SLC15A1: variants seen among roughly 807,000 people sequenced by gnomAD.
SLC15A1 encodes the protein solute carrier family 15 member 1.
SLC15A1 carries 83 observed loss-of-function variants against 92.9 expected under a neutral mutation model. That is an observed-to-expected ratio of 0.89 (90% confidence interval 0.75 to 1.07). The LOEUF is 1.07. Among genes scored for constraint, SLC15A1 ranks in the 50% least tolerant of loss-of-function variants. The pLI is 0.00. For synonymous variants in SLC15A1, 322 were observed against 318.2 expected (o/e 1.01, Z -0.13); for missense variants, 857 against 880.1 (o/e 0.97, Z 0.33).
chr13:98,694,808 C>T (rs868831160), intron 18 of SLC15A1, among the ~76,000 whole-genome samples: 2 of 152,006 alleles, frequency 1.3e-5, no homozygotes, highest in Non-Finnish European at 2.9e-5. Flanking sequence ...GGGTGGATCA[C>T]GAGATCAGGA....
At chr13:98,722,501 A>C (rs1428916001) in intron 5 of SLC15A1, among the ~76,000 whole-genome samples, 1 of 152,120 alleles carries the variant, frequency 6.6e-6, no homozygotes, top group Non-Finnish European at 1.5e-5. Flanking sequence ...AATTCATAGC[A>C]TTTATTGACC....
chr13:98,726,311 C>CT (rs2088299866), intron 3 of SLC15A1, 47 bp from the exon 4 acceptor site: 2 of 1,612,970 alleles, frequency 1.2e-6, no homozygotes, highest in South Asian at 2.2e-5. Flanking sequence ...AAAGTTAGGA[C>CT]TGGTTATGGC....
chr13:98,715,818 G>T (rs1312226526), intron 9 of SLC15A1, 60 bp downstream of exon 9: 2 of 1,338,854 alleles, frequency 1.5e-6, no homozygotes, highest in Admixed American at 1.9e-5. Context: ...TTAATTTAAA[G>T]AAAGTAGAAG....
rs189076076 is a variant in SLC15A1, at chr13:98,721,351, T to C, written c.556+144A>G. 22 of 721,990 alleles carry C rather than the reference T, an allele frequency of 3.0e-5. No individual in the cohort carries two copies. In the Middle Eastern group the frequency reaches 9.1e-4, roughly 30 times the overall value. The allele number at this position is 721,990 out of a possible 1,614,324, so 44.7% of individuals were successfully genotyped here. On this transcript the variant is annotated intron_variant, in intron 7 of 22. Transcript: ENST00000376503. The stretch of plus-strand genomic sequence containing the variant: ...TGAAACTCACAGGGAAGGAAGCACT[T>C]ACTCCAGATTCCAACGTGCATCCCA...
At chr13:98,726,740 G>A (rs1029930485) in intron 2 of SLC15A1, 103 bp downstream of exon 2, 1 of 1,165,982 alleles carries the variant, frequency 8.6e-7, no homozygotes, top group African/African-American at 1.5e-5. Flanking sequence ...ACCCTCACTG[G>A]TTCCAGATGT....
intron 1 of SLC15A1, among the ~76,000 whole-genome samples, chr13:98,732,604 T>A (rs181874903): frequency 4.0e-4 from 61 of 152,304 alleles, no homozygotes; most frequent in Admixed American, 2.8e-3. Flanking sequence ...ATGGAAACTC[T>A]AACTTTGAAG....
At chr13:98,689,568 C>T (rs1470309849) in intron 18 of SLC15A1, among the ~76,000 whole-genome samples, 1 of 152,182 alleles carries the variant, frequency 6.6e-6, no homozygotes, top group Non-Finnish European at 1.5e-5. Context: ...ACCTTAGCTT[C>T]CTGAGTAGCT....
Position 98,704,323 on chromosome 13 carries a change from G to T in SLC15A1, c.1382C>A (p.Thr461Lys), listed in dbSNP as rs141206459. ...TDDFKQGQRH[T>K]LLVWAPNHYQ... ...GTGATTGGGGGCCCACACTAGAAGC[G>T]TGTGGCGTTGGCCCTGCTTGAAGTC... is the stretch of plus-strand genomic sequence containing the variant. The change falls in exon 17 of 23, where the codon ACG becomes AAG. Residue 461 changes from threonine to lysine, a missense_variant. By Grantham distance (78) the Thr-to-Lys change is moderately conservative (BLOSUM62 -1). Transcript: ENST00000376503. The T allele has an allele frequency of 6.2e-7, 1 of 1,613,540 alleles. No homozygotes were observed. The highest frequency in any genetic ancestry group is 2.2e-5 in the East Asian group (1 of 44,842).
rs1369984617 is a variant in SLC15A1, at chr13:98,708,664, G to T, written c.1149+22C>A. ...CCTAAATCCACCAGGAAAGGACATG[G>T]GAGAACCAGGGGACAACTCACATCG... On this transcript the variant is annotated intron_variant, in intron 15 of 22. Coordinates refer to ENST00000376503, the MANE Select transcript of SLC15A1 (RefSeq NM_005073.4). 2.5e-6 allele frequency: 4 copies of T among 1,604,664 alleles called. No homozygotes were observed. In the East Asian group the frequency reaches 8.9e-5, roughly 36 times the overall value.
chr13:98,734,215 T>C (rs935336020), intron 1 of SLC15A1, among the ~76,000 whole-genome samples: 5 of 152,170 alleles, frequency 3.3e-5, no homozygotes, highest in African/African-American at 1.2e-4. Flanking sequence ...TCCACTCACT[T>C]CAACTTCCCA....
intron 1 of SLC15A1, among the ~76,000 whole-genome samples, chr13:98,731,566 C>G (rs952607802): frequency 2.0e-5 from 3 of 147,748 alleles, no homozygotes; most frequent in Admixed American, 2.0e-4. Context: ...CTCTGAAAAC[C>G]CAAATCACCC....
chr13:98,684,542 T>C lies in SLC15A1; in HGVS notation c.*182A>G. The stretch of plus-strand genomic sequence containing the variant: ...CCTGGACAACAAGAGCAAAACTCTG[T>C]CTCAAAAAAAAAAAAAAAAAAAAAA... On this transcript the variant is annotated 3_prime_UTR_variant, in exon 23 of 23. Coordinates refer to ENST00000376503, the MANE Select transcript of SLC15A1 (RefSeq NM_005073.4). The C allele has an allele frequency of 2.6e-6, 1 of 381,592 alleles. No individual in the cohort carries two copies. Among genetic ancestry groups the C allele is most frequent in the Non-Finnish European group, 4.3e-6 (1 of 231,852 alleles). 23.6% of individuals were successfully genotyped at this position (381,592 alleles called of 1,614,324 possible).
chr13:98,715,429 T>A (rs545431606), intron 9 of SLC15A1, among the ~76,000 whole-genome samples: 4 of 152,330 alleles, frequency 2.6e-5, no homozygotes, highest in African/African-American at 9.6e-5. Context: ...CGCCTAGGCC[T>A]CCCAAAGTGC....
chr13:98,690,490 C>T (rs922807498), intron 18 of SLC15A1, among the ~76,000 whole-genome samples: 2 of 152,174 alleles, frequency 1.3e-5, no homozygotes, highest in Non-Finnish European at 2.9e-5. Flanking sequence ...GGAAGCAGAA[C>T]GTTGGGCCTG....
rs183138625 is a variant in SLC15A1, at chr13:98,698,803, A to G, written c.1466+3677T>C. Reference sequence around the variant, plus strand: ...ATATATTTTTTGTATACTTTTGTATATTAATAGTATACAAAATATACTATT... The same window carrying G: ...ATATATTTTTTGTATACTTTTGTATGTTAATAGTATACAAAATATACTATT... On this transcript the variant is annotated intron_variant, in intron 18 of 22. Coordinates refer to ENST00000376503, the MANE Select transcript of SLC15A1 (RefSeq NM_005073.4). 1.3e-4 allele frequency among the ~76,000 whole-genome samples: 20 copies of G among 152,312 alleles called. No individual in the cohort carries two copies. In the East Asian group the frequency reaches 3.5e-3, roughly 26 times the overall value.
intron 9 of SLC15A1, among the ~76,000 whole-genome samples, chr13:98,714,487 C>T (rs2088195770): frequency 6.6e-6 from 1 of 151,858 alleles, no homozygotes; most frequent in Non-Finnish European, 1.5e-5. Flanking sequence ...CAAACCCTGT[C>T]TCTACAGAAA....
At chr13:98,715,806 T>A in intron 9 of SLC15A1, 72 bp downstream of exon 9, 10 of 1,265,006 alleles carry the variant, frequency 7.9e-6, no homozygotes, top group Non-Finnish European at 1.0e-5. Context: ...AAAGCTTAAA[T>A]TTTAATTTAA....
intron 21 of SLC15A1, among the ~76,000 whole-genome samples, chr13:98,687,216 G>A (rs1317432198): frequency 6.6e-6 from 1 of 152,092 alleles, no homozygotes; most frequent in Non-Finnish European, 1.5e-5. Flanking sequence ...TGAGGACATA[G>A]ACCTGTAATT....
At chr13:98,730,261 AGGG>A (rs2088338372) in intron 1 of SLC15A1, among the ~76,000 whole-genome samples, 3 of 20,308 alleles carry the variant, frequency 1.5e-4, no homozygotes, top group Non-Finnish European at 2.3e-4. Context: ...GGGGAAGGGG[AGGG>A]GAAGGGGAGG....
Sources: allele counts gnomAD v4.1 joint callset (sites outside exome capture counted in the v4.1 genomes callset), GRCh38; gene constraint gnomAD v4.1.1; transcripts MANE v1.5; gene names NCBI Gene and HGNC (gene_info 2026-07-23, HGNC 2026-07-21).